The following TENM3 variants were observed in gnomAD, a reference collection of about 807,000 sequenced individuals.
The protein encoded by TENM3 is teneurin-3.
Under a neutral mutation model 255.1 loss-of-function variants are expected in TENM3, and 63 were observed. The ratio of observed to expected loss-of-function variants is 0.25; its 90% CI spans 0.20 to 0.30. TENM3 has a LOEUF of 0.30. Among genes scored for constraint, TENM3 ranks in the 10% least tolerant of loss-of-function variants. The pLI is 1.00. For synonymous variants in TENM3, 1,306 were observed against 1,322.3 expected (o/e 0.99, Z 0.27); for missense variants, 2,929 against 3,461.1 (o/e 0.85, Z 3.86).
chr4:182,104,722 G>A, the TENM3 span, among the ~76,000 whole-genome samples: 2 of 151,630 alleles, frequency 1.3e-5, no homozygotes, highest in Non-Finnish European at 2.9e-5. Context: ...CTATGTTGGC[G>A]AGGCTGGTCT....
At chr4:181,475,926 G>A in the TENM3 span, among the ~76,000 whole-genome samples, 8 of 152,302 alleles carry the variant, frequency 5.3e-5, no homozygotes, top group East Asian at 1.4e-3. Flanking sequence ...GGTTCACCCC[G>A]CCGAGGTCTC....
At chr4:182,454,870 A>C (rs972830730) in intron 3 of TENM3, among the ~76,000 whole-genome samples, 1 of 152,224 alleles carries the variant, frequency 6.6e-6, no homozygotes, top group Non-Finnish European at 1.5e-5. Context: ...TAAAGCAATT[A>C]AGTGCTGCAT....
chr4:182,694,235 G>A (rs1757220360), intron 12 of TENM3, among the ~76,000 whole-genome samples: 2 of 151,782 alleles, frequency 1.3e-5, no homozygotes, highest in Admixed American at 1.3e-4. Context: ...TCAGCCTCCC[G>A]AATAGCTGGG....
At chr4:181,522,245 G>A in the TENM3 span, among the ~76,000 whole-genome samples, 1 of 150,936 alleles carries the variant, frequency 6.6e-6, no homozygotes, top group Non-Finnish European at 1.5e-5. Flanking sequence ...TCACATCAAT[G>A]AGAAGATCTT....
the TENM3 span, among the ~76,000 whole-genome samples, chr4:181,481,433 G>A: frequency 5.9e-5 from 9 of 151,996 alleles, no homozygotes; most frequent in South Asian, 4.1e-4. Context: ...TAAGTAATTC[G>A]TAATTTTCCA....
the TENM3 span, among the ~76,000 whole-genome samples, chr4:181,708,924 T>C: frequency 6.6e-6 from 1 of 152,178 alleles, no homozygotes; most frequent in Non-Finnish European, 1.5e-5. Flanking sequence ...GTATCTGAGA[T>C]AGGGCTAAAA....
the TENM3 span, among the ~76,000 whole-genome samples, chr4:181,532,217 A>G: frequency 6.6e-6 from 1 of 152,168 alleles, no homozygotes; most frequent in East Asian, 1.9e-4. Context: ...CATCAAAAAC[A>G]TTACCCCTAA....
rs549729471 is a variant in TENM3 at position 182,228,661 on chromosome 4, C to T, written c.-76+83907C>T. ...TCTTCATTTCGTGACAACATAGCAT[C>T]AAGAAAGTTCGTTAAGAATGCGGAG... On this transcript the variant is annotated intron_variant, in intron 1 of 2. Transcript: ENST00000512480. Among the ~76,000 whole-genome samples the T allele has an allele frequency of 4.6e-3, 702 of 152,054 alleles. 4 individuals are homozygous for T. Among genetic ancestry groups the T allele is most frequent in the African/African-American group, 0.016 (657 of 41,468 alleles).
the TENM3 span, among the ~76,000 whole-genome samples, chr4:181,838,023 A>C: frequency 6.6e-6 from 1 of 152,118 alleles, no homozygotes; most frequent in African/African-American, 2.4e-5. Context: ...CTGTAATCCC[A>C]GTGACTCAGA....
intron 6 of TENM3, among the ~76,000 whole-genome samples, chr4:182,670,105 C>G (rs2152546666): frequency 6.6e-6 from 1 of 152,234 alleles, no homozygotes; most frequent in Non-Finnish European, 1.5e-5. Context: ...GCAAAATAAT[C>G]TCTGGGTGGT....
chr4:181,523,919 A>T, the TENM3 span, among the ~76,000 whole-genome samples: 1 of 152,228 alleles, frequency 6.6e-6, no homozygotes. Flanking sequence ...TTCATTTGAC[A>T]AAAAGGGAAA....
chr4:181,884,772 T>C, the TENM3 span, among the ~76,000 whole-genome samples: 1 of 152,184 alleles, frequency 6.6e-6, no homozygotes, highest in South Asian at 2.1e-4. Context: ...AAATAACATC[T>C]GCCTATCTCT....
intron 24 of TENM3, among the ~76,000 whole-genome samples, chr4:182,777,498 A>G (rs1356058591): frequency 1.5e-5 from 2 of 135,416 alleles, no homozygotes; most frequent in Non-Finnish European, 3.1e-5. Context: ...CTCTGTCTAT[A>G]CATAATGTGT....
the TENM3 span, among the ~76,000 whole-genome samples, chr4:181,878,379 T>C: frequency 6.6e-6 from 1 of 152,020 alleles, no homozygotes; most frequent in South Asian, 2.1e-4. Flanking sequence ...TGGGGAAAGT[T>C]CTTAGCAGTA....
the TENM3 span, among the ~76,000 whole-genome samples, chr4:181,595,341 G>T: frequency 2.1e-5 from 3 of 145,630 alleles, no homozygotes; most frequent in South Asian, 6.6e-4. Context: ...TGAGGCATGA[G>T]AATCGCTTAA....
intron 3 of TENM3, among the ~76,000 whole-genome samples, chr4:182,581,925 CT>C (rs1745531583): frequency 6.6e-6 from 1 of 151,828 alleles, no homozygotes; most frequent in South Asian, 2.1e-4. Flanking sequence ...ATTTTTGTTT[CT>C]TAGCATAAGA....
the TENM3 span, among the ~76,000 whole-genome samples, chr4:182,092,100 G>A: frequency 4.6e-5 from 7 of 152,284 alleles, no homozygotes; most frequent in East Asian, 3.9e-4. Context: ...AACACTTTGG[G>A]AGGCCAAGGC....
At chr4:181,955,948 G>C in the TENM3 span, among the ~76,000 whole-genome samples, 1 of 152,182 alleles carries the variant, frequency 6.6e-6, no homozygotes, top group Non-Finnish European at 1.5e-5. Flanking sequence ...TACATGTCAA[G>C]ACTCAGAAGC....
At chr4:181,919,821 G>A in the TENM3 span, among the ~76,000 whole-genome samples, 2 of 151,104 alleles carry the variant, frequency 1.3e-5, no homozygotes, top group African/African-American at 4.9e-5. Context: ...CCATGCTGGT[G>A]TGCTGCACCC....
Sources: gnomAD v4.1 joint callset for allele counts (sites outside exome capture counted in the v4.1 genomes callset) on GRCh38, gnomAD v4.1.1 for gene constraint, MANE v1.5 for transcripts, NCBI Gene and HGNC (gene_info 2026-07-23, HGNC 2026-07-21) for gene names.